Variants in EPB41L3 observed in about 807,000 individuals in gnomAD.
EPB41L3 encodes erythrocyte membrane protein band 4.1 like 3.
A neutral mutation model predicts 127.1 loss-of-function variants in EPB41L3; 57 were observed. The observed-to-expected ratio is 0.45, with a 90% CI of 0.36 to 0.56. EPB41L3 has a LOEUF of 0.56. Ranked by LOEUF, EPB41L3 falls within the 20% of genes least tolerant of loss-of-function variation. The pLI is 0.00. For synonymous variants in EPB41L3, 572 were observed against 549.5 expected (o/e 1.04, Z -0.57); for missense variants, 1,273 against 1,372.2 (o/e 0.93, Z 1.14).
intron 3 of EPB41L3, among the ~76,000 whole-genome samples, chr18:5,446,583 C>A (rs1322043009): frequency 6.6e-6 from 1 of 152,146 alleles, no homozygotes; most frequent in Non-Finnish European, 1.5e-5. Context: ...TATGTCTATG[C>A]CAAAATAATA....
intron 3 of EPB41L3, among the ~76,000 whole-genome samples, chr18:5,464,687 C>T (rs1180205605): frequency 1.3e-5 from 2 of 152,108 alleles, no homozygotes; most frequent in Non-Finnish European, 2.9e-5. Context: ...CCTATACTTG[C>T]TATGGAAGGG....
intron 1 of EPB41L3, among the ~76,000 whole-genome samples, chr18:5,624,650 T>C (rs1345821328): frequency 6.6e-6 from 1 of 152,214 alleles, no homozygotes; most frequent in African/African-American, 2.4e-5. Context: ...AACAACATTC[T>C]TCTCTTCTTC....
At chr18:5,473,974 GTAATCCC>G in intron 3 of EPB41L3, among the ~76,000 whole-genome samples, 1 of 152,294 alleles carries the variant, frequency 6.6e-6, no homozygotes, top group South Asian at 2.1e-4. Flanking sequence ...GCTCACACCT[GTAATCCC>G]AGCACTTTGG....
chr18:5,541,050 A>C lies in EPB41L3; in HGVS notation c.-12+2863T>G, dbSNP rs1239921508. On this transcript the variant is annotated intron_variant, in intron 1 of 22. Coordinates refer to ENST00000341928, the MANE Select transcript of EPB41L3 (RefSeq NM_012307.5). ...CAGTGAGCCGAGATCGCACCACTGC[A>C]CTCCAGCCTGGGCGACAGAGCGAGA... 6.0e-5 allele frequency among the ~76,000 whole-genome samples: 8 copies of C among 133,380 alleles called. No individual in the cohort carries two copies. The East Asian group carries it at 1.8e-3, about 29-fold the overall frequency. 87.5% of individuals were successfully genotyped at this position (133,380 alleles called of 152,430 possible).
chr18:5,403,036 G>C lies in EPB41L3; in HGVS notation c.2349+3741C>G, dbSNP rs2074766738. The stretch of plus-strand genomic sequence containing the variant: ...CGCAGAATACATACTAGCAGATACT[G>C]CTTTTTTACTGTGATTTGGAAACTT... On this transcript the variant is annotated intron_variant, in intron 16 of 22. Transcript: ENST00000341928. Among the ~76,000 whole-genome samples the C allele has an allele frequency of 2.6e-5, 4 of 152,280 alleles. No homozygotes were observed. In the South Asian group the frequency reaches 8.3e-4, roughly 32 times the overall value.
intron 5 of EPB41L3, among the ~76,000 whole-genome samples, chr18:5,441,642 T>G (rs543789088): frequency 6.6e-6 from 1 of 152,104 alleles, no homozygotes; most frequent in Non-Finnish European, 1.5e-5. Flanking sequence ...ATTTTTGTAT[T>G]TTTAGTAGAG....
At chr18:5,588,953 T>TA (rs34005920) in intron 3 of EPB41L3, among the ~76,000 whole-genome samples, 68,960 of 149,642 alleles carry the variant, frequency 0.46, 16,721 homozygotes, top group Non-Finnish European at 0.56. Flanking sequence ...CTCAGTTCAA[T>TA]AAAAAAAAAA....
chr18:5,433,692 G>A (rs1029689698), intron 7 of EPB41L3, 136 bp from the exon 8 acceptor site: 2 of 901,118 alleles, frequency 2.2e-6, no homozygotes, highest in South Asian at 1.7e-5. Flanking sequence ...AGAATAACAA[G>A]AAAAAGGGCT....
At chr18:5,572,897 G>A (rs2094298066) in intron 3 of EPB41L3, among the ~76,000 whole-genome samples, 1 of 152,146 alleles carries the variant, frequency 6.6e-6, no homozygotes, top group African/African-American at 2.4e-5. Context: ...GTGAATCCAG[G>A]TGGAAAGAAG....
At chr18:5,493,601 T>A (rs1013584890) in intron 1 of EPB41L3, among the ~76,000 whole-genome samples, 1 of 151,854 alleles carries the variant, frequency 6.6e-6, no homozygotes, top group Non-Finnish European at 1.5e-5. Context: ...GTATCATCCA[T>A]CCAAAAAGAA....
At position 5,474,106 on chromosome 18, in the gene EPB41L3, C is replaced by T. The variant is rs953230740; in HGVS notation, c.381+4135G>A. ...ATTAGCCGGGCGTGGTGGTGGGCGC[C>T]TGTAGTCCCAGCTACTCAGGAGGCT... On this transcript the variant is annotated intron_variant, in intron 3 of 22. Transcript: ENST00000341928. 5.3e-5 allele frequency among the ~76,000 whole-genome samples: 8 copies of T among 152,058 alleles called. 1 individual carries two copies. The highest frequency in any genetic ancestry group is 4.6e-4 in the Admixed American group (7 of 15,276).
intron 16 of EPB41L3, among the ~76,000 whole-genome samples, chr18:5,404,628 A>C (rs891668291): frequency 3.9e-5 from 6 of 152,210 alleles, no homozygotes; most frequent in South Asian, 4.1e-4. Context: ...TGTAAAAAAA[A>C]CATATCTTAC....
intron 2 of EPB41L3, among the ~76,000 whole-genome samples, chr18:5,483,348 C>A (rs529767600): frequency 1.3e-5 from 2 of 151,840 alleles, no homozygotes; most frequent in South Asian, 2.1e-4. Flanking sequence ...TATAATAGAT[C>A]CACTAAAAAT....
intron 14 of EPB41L3, among the ~76,000 whole-genome samples, chr18:5,409,715 A>AAG (rs1299821152): frequency 2.0e-5 from 3 of 151,338 alleles, no homozygotes. Flanking sequence ...GATGATGCAA[A>AAG]AAAAAACATA....
chr18:5,465,136 A>G (rs544736730), intron 3 of EPB41L3, among the ~76,000 whole-genome samples: 4 of 152,376 alleles, frequency 2.6e-5, no homozygotes, highest in Admixed American at 2.6e-4. Context: ...CAAACAGGAC[A>G]GTGTGAGAAA....
chr18:5,484,086 CAAAAAAAAAAAAAAAAAAAA>C (rs57231548), intron 2 of EPB41L3, among the ~76,000 whole-genome samples: 44 of 18,282 alleles, frequency 2.4e-3, no homozygotes, highest in African/African-American at 4.9e-3. Context: ...CAAACAAACT[CAAAAAAAAAAAAAAAAAAAA>C]AAAAAAAAAA....
intron 8 of EPB41L3, among the ~76,000 whole-genome samples, chr18:5,429,037 T>A (rs779829339): frequency 1.3e-5 from 2 of 152,208 alleles, no homozygotes. Flanking sequence ...ATACCATTAT[T>A]GTCAGAGTAA....
chr18:5,465,504 C>A (rs897524661), intron 3 of EPB41L3, among the ~76,000 whole-genome samples: 2 of 152,026 alleles, frequency 1.3e-5, no homozygotes. Flanking sequence ...AAAAACCCAC[C>A]AATCTGTATG....
intron 3 of EPB41L3, among the ~76,000 whole-genome samples, chr18:5,550,858 C>G (rs2093954197): frequency 6.6e-6 from 1 of 152,184 alleles, no homozygotes; most frequent in South Asian, 2.1e-4. Context: ...GAATCCCCAA[C>G]AACTTCTCAA....
Sources: gnomAD v4.1 joint callset for allele counts (sites outside exome capture counted in the v4.1 genomes callset) on GRCh38, gnomAD v4.1.1 for gene constraint, MANE v1.5 for transcripts, NCBI Gene and HGNC (gene_info 2026-07-23, HGNC 2026-07-21) for gene names.